The following FAM186A variants were observed in gnomAD, a reference collection of about 807,000 sequenced individuals.
FAM186A encodes the protein family with sequence similarity 186 member A.
In FAM186A, 163 loss-of-function variants were observed where a neutral mutation model predicts 216.8. That is an observed-to-expected ratio of 0.75 (90% CI 0.66 to 0.86). FAM186A has a LOEUF of 0.86. FAM186A is among the 40% of genes least tolerant of loss of function. FAM186A has a pLI of 0.00. For missense variants in FAM186A, 2,184 were observed against 2,746.2 expected (o/e 0.80, Z 4.58); for synonymous variants, 805 against 1,025.3 (o/e 0.79, Z 4.10).
chr12:50,356,078 T>C lies in FAM186A; in HGVS notation c.754A>G (p.Thr252Ala). 1 of 1,551,690 alleles carries C rather than the reference T, an allele frequency of 6.4e-7. No homozygotes were observed. The highest frequency in any genetic ancestry group is 8.7e-7 in the Non-Finnish European group (1 of 1,146,976). Residue 252 changes from threonine to alanine, a missense_variant, in exon 4 of 8, where the codon ACA becomes GCA. By Grantham distance (58) the Thr-to-Ala change is moderately conservative. This residue lies in a region of FAM186A where 1,132 missense variants were observed against 1,263.4 expected (regional missense o/e 0.90). Coordinates refer to ENST00000327337, the MANE Select transcript of FAM186A (RefSeq NM_001145475.3). ...QELIGTTMFSTLENNAIKYIS... is the reference protein window; with the variant it reads ...QELIGTTMFSALENNAIKYIS... Reference sequence around the variant, plus strand: ...TATTTAATAGCATTGTTTTCCAATGTACTGAACATTGTGGTGCCTATGAGT... The same window carrying C: ...TATTTAATAGCATTGTTTTCCAATGCACTGAACATTGTGGTGCCTATGAGT...
At chr12:50,360,530 C>T (rs1439636139) in intron 3 of FAM186A, among the ~76,000 whole-genome samples, 1 of 150,040 alleles carries the variant, frequency 6.7e-6, no homozygotes, top group Non-Finnish European at 1.5e-5. Flanking sequence ...ACTAAAAATA[C>T]AAAAATTAGC....
At chr12:50,360,123 A>C (rs1943017626) in intron 3 of FAM186A, among the ~76,000 whole-genome samples, 1 of 151,936 alleles carries the variant, frequency 6.6e-6, no homozygotes, top group Non-Finnish European at 1.5e-5. Context: ...AGGTGCCTGT[A>C]ATCCCAGCTA....
intron 1 of FAM186A, among the ~76,000 whole-genome samples, chr12:50,369,805 A>G (rs1222511599): frequency 6.6e-6 from 1 of 152,020 alleles, no homozygotes; most frequent in Admixed American, 6.6e-5. Flanking sequence ...CCTGGCCAAC[A>G]CTGTGAAACC....
chr12:50,354,434 C>G lies in FAM186A; in HGVS notation c.2398G>C (p.Glu800Gln), dbSNP rs1420247319. ...ACTGTTGGAATATCTCTTTCACTTTCTATTTCAGCCAAGATCATTTGTATT... is the reference window on the plus strand; with the variant it reads ...ACTGTTGGAATATCTCTTTCACTTTGTATTTCAGCCAAGATCATTTGTATT... Reference protein sequence around the residue: ...NLIQMILAEIESERDIPTVST... With the variant: ...NLIQMILAEIQSERDIPTVST... The change falls in exon 4 of 8, where the codon GAA becomes CAA. Residue 800 changes from glutamate to glutamine, a missense_variant. By Grantham distance (29) the Glu-to-Gln change is conservative (BLOSUM62 2). Coordinates refer to ENST00000327337, the MANE Select transcript of FAM186A (RefSeq NM_001145475.3). 6.4e-7 allele frequency: 1 copy of G among 1,551,466 alleles called. No individual in the cohort carries two copies. The highest frequency in any genetic ancestry group is 1.2e-5 in the South Asian group (1 of 84,060).
intron 2 of FAM186A, 69 bp from the exon 3 acceptor site, chr12:50,360,995 A>C (rs2136096811): frequency 8.2e-7 from 1 of 1,212,388 alleles, no homozygotes; most frequent in Middle Eastern, 2.1e-4. Context: ...ATAGGCTTAT[A>C]ATATTGGGTA....
intron 1 of FAM186A, among the ~76,000 whole-genome samples, chr12:50,389,855 T>G (rs1388894413): frequency 6.6e-6 from 1 of 152,216 alleles, no homozygotes; most frequent in African/African-American, 2.4e-5. Context: ...GAGGATATGG[T>G]AGAAATCACC....
At chr12:50,371,262 C>T (rs951568203) in intron 1 of FAM186A, among the ~76,000 whole-genome samples, 2 of 151,632 alleles carry the variant, frequency 1.3e-5, no homozygotes, top group Admixed American at 6.6e-5. Context: ...GGGTTACAGG[C>T]GCCTGCCTCC....
At chr12:50,384,522 A>G (rs1943284100) in intron 1 of FAM186A, among the ~76,000 whole-genome samples, 1 of 152,218 alleles carries the variant, frequency 6.6e-6, no homozygotes, top group Non-Finnish European at 1.5e-5. Context: ...AGCAGGAGGC[A>G]TCACTGTACC....
Position 50,376,748 on chromosome 12 carries a change from T to C in FAM186A, c.193-13384A>G, listed in dbSNP as rs1241321295. ...CTTTTACCTCTCTCTCTCTCTCTCT[T>C]TTTTTTTTTTTAGACAAGGTCTTAT... On this transcript the variant is annotated intron_variant, in intron 1 of 7. Transcript: ENST00000327337. Among the ~76,000 whole-genome samples, 15 of 1,628 alleles carry C rather than the reference T, an allele frequency of 9.2e-3. No individual in the cohort carries two copies. In the South Asian group the frequency reaches 0.23, roughly 24 times the overall value. The allele number at this position is 1,628 out of a possible 152,430, so 1.1% of individuals were successfully genotyped here.
chr12:50,382,298 G>A (rs546639600), intron 1 of FAM186A, among the ~76,000 whole-genome samples: 18 of 149,900 alleles, frequency 1.2e-4, no homozygotes, highest in African/African-American at 3.9e-4. Flanking sequence ...TTAGAGATAC[G>A]AGTAGGCTGG....
At chr12:50,328,700 G>T (rs993451513) in intron 7 of FAM186A, among the ~76,000 whole-genome samples, 1 of 151,884 alleles carries the variant, frequency 6.6e-6, no homozygotes, top group Non-Finnish European at 1.5e-5. Context: ...GTAGAGACAG[G>T]GTTTCACCAA....
At position 50,350,555 on chromosome 12, in the gene FAM186A, G is replaced by A; in HGVS notation, c.6277C>T (p.Pro2093Ser). 1.3e-6 allele frequency: 2 copies of A among 1,551,602 alleles called. No individual in the cohort carries two copies. Among genetic ancestry groups the A allele is most frequent in the Non-Finnish European group, 1.7e-6 (2 of 1,146,970 alleles). ...SDTKKPKVMV[P>S]PSSPQELEEK... ...TCAAGTTCTTGAGGAGAGGAAGGGG[G>A]CACCATTACTTTGGGTTTCTTGGTA... The change falls in exon 4 of 8, where the codon CCC becomes TCC. Residue 2093 changes from proline (P) to serine (S), a missense_variant. This residue lies in a region of FAM186A where 721 missense variants were observed against 816.4 expected (regional missense o/e 0.88). Coordinates refer to ENST00000327337, the MANE Select transcript of FAM186A (RefSeq NM_001145475.3).
intron 1 of FAM186A, among the ~76,000 whole-genome samples, chr12:50,393,332 G>A (rs1943381285): frequency 6.6e-6 from 1 of 151,582 alleles, no homozygotes; most frequent in Non-Finnish European, 1.5e-5. Context: ...GAGGTCAGGA[G>A]TTCAAGACCA....
chr12:50,347,393 C>G (rs935053779), intron 4 of FAM186A, among the ~76,000 whole-genome samples: 1 of 152,004 alleles, frequency 6.6e-6, no homozygotes, highest in Non-Finnish European at 1.5e-5. Context: ...AAAAATAAAA[C>G]GAAAATAACA....
intron 4 of FAM186A, among the ~76,000 whole-genome samples, chr12:50,336,004 A>G (rs1160747220): frequency 3.3e-5 from 5 of 151,810 alleles, no homozygotes; most frequent in African/African-American, 1.2e-4. Flanking sequence ...GGGCGCCTAT[A>G]GTCCCAGCTA....
rs1331001890 is a variant in FAM186A, at chr12:50,393,541, CAA to C, written c.192+2750_192+2751del. Among the ~76,000 whole-genome samples the C allele has an allele frequency of 3.8e-5, 5 of 133,126 alleles. No individual in the cohort carries two copies. The East Asian group carries it at 8.8e-4, about 23-fold the overall frequency. 87.3% of individuals were successfully genotyped at this position (133,126 alleles called of 152,430 possible). A position where few individuals can be genotyped will look rare whatever the true frequency, so the allele number is the denominator to read the frequency against. The stretch of plus-strand genomic sequence containing the variant: ...TGGGTGTCAGAGCGAGACTCCATCT[CAA>C]AAAAAAAAAAAGTGTATTTTGGGCC... On this transcript the variant is annotated intron_variant, in intron 1 of 7. Transcript: ENST00000327337.
chr12:50,340,274 C>G (rs1329873093), intron 4 of FAM186A, among the ~76,000 whole-genome samples: 2 of 152,156 alleles, frequency 1.3e-5, no homozygotes, highest in Non-Finnish European at 2.9e-5. Flanking sequence ...CCACATCATA[C>G]GATATAATCA....
At chr12:50,359,583 A>ACCCC (rs1565888711) in intron 3 of FAM186A, among the ~76,000 whole-genome samples, 1 of 151,740 alleles carries the variant, frequency 6.6e-6, no homozygotes, top group African/African-American at 2.4e-5. Context: ...TACCCCCCCA[A>ACCCC]AAAAAATGGG....
chr12:50,351,733 C>G lies in FAM186A; in HGVS notation c.5099G>C (p.Gly1700Ala), dbSNP rs750040346. The G allele has an allele frequency of 3.9e-6, 6 of 1,551,334 alleles. No individual in the cohort carries two copies. The highest frequency in any genetic ancestry group is 5.2e-6 in the Non-Finnish European group (6 of 1,146,850). Reference sequence around the variant, plus strand: ...GACTTGCTTAAGGGTGAGGGGCGATCCCAAGGTATGGGCTTTATCTAAGGT... The same window carrying G: ...GACTTGCTTAAGGGTGAGGGGCGATGCCAAGGTATGGGCTTTATCTAAGGT... ...PLTLDKAHTL[G>A]SPLTLKQVQW... Residue 1700 changes from glycine to alanine, a missense_variant, in exon 4 of 8, where the codon GGA (glycine) becomes GCA (alanine). Gly to Ala is a moderately conservative substitution (Grantham distance 60, BLOSUM62 0). Coordinates refer to ENST00000327337, the MANE Select transcript of FAM186A (RefSeq NM_001145475.3).
Sources: gnomAD v4.1 joint callset for allele counts (sites outside exome capture counted in the v4.1 genomes callset) on GRCh38, gnomAD v4.1.1 for gene constraint, gnomAD v4.1.1 regional missense constraint, MANE v1.5 for transcripts, NCBI Gene and HGNC (gene_info 2026-07-23, HGNC 2026-07-21) for gene names.